HHIPL1: variants seen among roughly 807,000 people sequenced by gnomAD.
The protein encoded by HHIPL1 is HHIP like 1.
Under a neutral mutation model 61.8 loss-of-function variants are expected in HHIPL1, and 43 were observed. That is an observed-to-expected ratio of 0.70 (90% CI 0.55 to 0.90). The LOEUF is 0.90. HHIPL1 is among the 40% of genes least tolerant of loss of function. HHIPL1 has a pLI of 0.00. For missense variants in HHIPL1, 1,056 were observed against 1,157.7 expected (o/e 0.91, Z 1.28); for synonymous variants, 482 against 515.8 (o/e 0.93, Z 0.89).
In HHIPL1 at chr14:99,675,333, G is replaced by A. The variant is rs764680934; in HGVS notation, c.2056G>A (p.Gly686Arg). ...GCCCGCGGGCCTGAGCTCTGGCAGC[G>A]GGCGCGTGGAGGTGTTCGTGGGCGG... is the stretch of plus-strand genomic sequence containing the variant. ...VRPAGLSSGS[G>R]RVEVFVGGRW... Residue 686 changes from glycine to arginine, a missense_variant, in exon 9 of 9, where the codon GGG (glycine) becomes AGG (arginine). Physicochemically the swap from Gly to Arg is moderately radical, Grantham distance 125. Transcript: ENST00000330710. The surrounding 1 kb of genome is among the most constrained non-coding windows in gnomAD (Gnocchi z 5.4). 2.1e-6 allele frequency: 3 copies of A among 1,425,534 alleles called. No individual in the cohort carries two copies. Among genetic ancestry groups the A allele is most frequent in the South Asian group, 1.5e-5 (1 of 68,186 alleles). The allele number at this position is 1,425,534 out of a possible 1,614,324, so 88.3% of individuals were successfully genotyped here.
chr14:99,645,217 G>GCCAGGGC lies in HHIPL1; in HGVS notation c.12_18dup (p.Gly7GlnfsTer46). ...CCCGCGGGGCGTAGCGATGGCCCGG[G>GCCAGGGC]CCAGGGCCGGGGCGCTGCTGGCGCT... On this transcript the variant is annotated frameshift_variant, in exon 1 of 9. Transcript: ENST00000330710. LOFTEE classifies it high-confidence loss of function. 7.6e-7 allele frequency: 1 copy of GCCAGGGC among 1,307,272 alleles called. No homozygotes were observed. The highest frequency in any genetic ancestry group is 2.2e-5 in the South Asian group (1 of 46,492). 81.0% of individuals were successfully genotyped at this position (1,307,272 alleles called of 1,614,324 possible). A position where few individuals can be genotyped will look rare whatever the true frequency, so the allele number is the denominator to read the frequency against.
In HHIPL1 at chr14:99,649,552, G is replaced by A. The variant is rs1021725363; in HGVS notation, c.256-2672G>A. Among the ~76,000 whole-genome samples, 11 of 152,224 alleles carry A rather than the reference G, an allele frequency of 7.2e-5. No individual in the cohort carries two copies. In the South Asian group the frequency reaches 1.7e-3, roughly 23 times the overall value. On this transcript the variant is annotated intron_variant, in intron 1 of 8. Coordinates refer to ENST00000330710, the MANE Select transcript of HHIPL1 (RefSeq NM_001127258.3). ...ATGCCTATAATCCCAGAACTTTGGC[G>A]GGCCAAGGCGGGAGGATTGCTTGAG... is the stretch of plus-strand genomic sequence containing the variant.
At chr14:99,654,081 C>T (rs530402676) in intron 2 of HHIPL1, among the ~76,000 whole-genome samples, 11 of 147,164 alleles carry the variant, frequency 7.5e-5, no homozygotes, top group East Asian at 4.1e-4. Flanking sequence ...CCCAGCTACC[C>T]GGGAGGCTGA....
intron 1 of HHIPL1, among the ~76,000 whole-genome samples, chr14:99,651,615 G>T (rs962953941): frequency 6.6e-6 from 1 of 152,098 alleles, no homozygotes; most frequent in Non-Finnish European, 1.5e-5. Context: ...AACACTGGGG[G>T]TTACAATTCT....
chr14:99,622,889 G>A, the HHIPL1 span, among the ~76,000 whole-genome samples: 9 of 152,356 alleles, frequency 5.9e-5, no homozygotes, highest in African/African-American at 1.7e-4. Context: ...AAAGCACTCA[G>A]CATGCTGTGG....
At position 99,668,106 on chromosome 14, in the gene HHIPL1, G is replaced by A. The variant is rs1466422277; in HGVS notation, c.1649-116G>A. 1 of 733,796 alleles carries A rather than the reference G, an allele frequency of 1.4e-6. No individual in the cohort carries two copies. Among genetic ancestry groups the A allele is most frequent in the Non-Finnish European group, 2.5e-6 (1 of 392,780 alleles). The allele number at this position is 733,796 out of a possible 1,614,324, so 45.5% of individuals were successfully genotyped here. On this transcript the variant is annotated intron_variant, in intron 6 of 8. Coordinates refer to ENST00000330710, the MANE Select transcript of HHIPL1 (RefSeq NM_001127258.3). The surrounding 1 kb of genome is among the most constrained non-coding windows in gnomAD (Gnocchi z 4.7). The stretch of plus-strand genomic sequence containing the variant: ...ACTGAGCTGGGATGCCTCACGTGAT[G>A]GCTAGCTGGGGTTGGGGTCTATTTC...
At chr14:99,672,479 G>T in intron 8 of HHIPL1, 80 bp downstream of exon 8, 1 of 1,221,770 alleles carries the variant, frequency 8.2e-7, no homozygotes, top group South Asian at 1.3e-5. Context: ...AGCCAGACTC[G>T]GGTCTTACCA....
At chr14:99,644,054 T>C (rs531945330), upstream of HHIPL1, among the ~76,000 whole-genome samples, 3 of 152,330 alleles carry the variant, frequency 2.0e-5, no homozygotes, top group South Asian at 2.1e-4. Context: ...CAGAGATGTT[T>C]GGCTGTGCGG....
chr14:99,635,809 G>T, the HHIPL1 span, among the ~76,000 whole-genome samples: 1 of 152,214 alleles, frequency 6.6e-6, no homozygotes, highest in Non-Finnish European at 1.5e-5. Flanking sequence ...GGAGGCAGGG[G>T]ATTGCTGGGC....
chr14:99,623,240 G>T, the HHIPL1 span, among the ~76,000 whole-genome samples: 1 of 152,188 alleles, frequency 6.6e-6, no homozygotes, highest in Non-Finnish European at 1.5e-5. Context: ...CCTGGGAGCT[G>T]CCTTAGCAGT....
At chr14:99,633,992 G>T in the HHIPL1 span, among the ~76,000 whole-genome samples, 2 of 152,158 alleles carry the variant, frequency 1.3e-5, no homozygotes, top group African/African-American at 2.4e-5. Flanking sequence ...AGGGACACGT[G>T]GAAGCCTGGC....
the HHIPL1 span, among the ~76,000 whole-genome samples, chr14:99,614,548 C>A: frequency 3.3e-5 from 5 of 152,174 alleles, no homozygotes; most frequent in African/African-American, 1.2e-4. Context: ...TCAGGTCCCA[C>A]CCCAGACCAA....
At position 99,669,055 on chromosome 14, in the gene HHIPL1, C is replaced by G; in HGVS notation, c.1730+752C>G. ...CCTCACCCTCTTCAAGCACCTTCCC[C>G]AACCCACGTTGCCCTCCAGGCCTCT... On this transcript the variant is annotated intron_variant, in intron 7 of 8. Transcript: ENST00000330710. 4 of 1,458,490 alleles carry G rather than the reference C, an allele frequency of 2.7e-6. No individual in the cohort carries two copies. The South Asian group carries it at 4.2e-5, about 15-fold the overall frequency. The allele number at this position is 1,458,490 out of a possible 1,614,324, so 90.3% of individuals were successfully genotyped here.
At chr14:99,654,188 C>CAAA (rs754501639) in intron 2 of HHIPL1, among the ~76,000 whole-genome samples, 54 of 89,794 alleles carry the variant, frequency 6.0e-4, no homozygotes, top group African/African-American at 1.4e-3. Flanking sequence ...GACTCTGTCT[C>CAAA]AAAAAAAAAA....
the HHIPL1 span, among the ~76,000 whole-genome samples, chr14:99,608,148 A>C: frequency 3.3e-5 from 5 of 151,994 alleles, no homozygotes; most frequent in Admixed American, 2.6e-4. Context: ...ACACTATTAC[A>C]CCTTGCAGCT....
chr14:99,643,324 G>A (rs1289161994), upstream of HHIPL1, among the ~76,000 whole-genome samples: 2 of 152,266 alleles, frequency 1.3e-5, no homozygotes, highest in Non-Finnish European at 2.9e-5. Flanking sequence ...ACAGGCGTGA[G>A]CCACTGTGCC....
rs779113860 is a variant in HHIPL1 at position 99,660,424 on chromosome 14, C to T, written c.1502+18C>T. ...ATGAGCGGGTAAGTGACCTAGTGCC[C>T]TCGCGCCCCTGGCTGCTGCCACTGG... is the stretch of plus-strand genomic sequence containing the variant. On this transcript the variant is annotated intron_variant, in intron 5 of 8. Coordinates refer to ENST00000330710, the MANE Select transcript of HHIPL1 (RefSeq NM_001127258.3). This position sits in a 1 kb window ranked among gnomAD's most constrained non-coding sequence, Gnocchi z 4.9. The T allele has an allele frequency of 1.7e-5, 28 of 1,603,788 alleles. No homozygotes were observed. The highest frequency in any genetic ancestry group is 2.3e-5 in the Non-Finnish European group (27 of 1,173,068).
chr14:99,607,019 G>GC, the HHIPL1 span, among the ~76,000 whole-genome samples: 3 of 95,826 alleles, frequency 3.1e-5, no homozygotes, highest in African/African-American at 1.2e-4. Context: ...ACGTGACTTT[G>GC]CCTTTTTTTT....
In HHIPL1 at chr14:99,679,733, T is replaced by A. The variant is rs931502397; in HGVS notation, c.*4107T>A. On this transcript the variant is annotated 3_prime_UTR_variant, in exon 9 of 9. Transcript: ENST00000330710. Reference sequence around the variant, plus strand: ...CGTGCATGGCACGTACACTCTAGGTTGCTTCCTAGACAGAAAGCTCAGTTC... The same window carrying A: ...CGTGCATGGCACGTACACTCTAGGTAGCTTCCTAGACAGAAAGCTCAGTTC... 2 of 152,250 alleles carry A rather than the reference T, an allele frequency of 1.3e-5. No individual in the cohort carries two copies. Among genetic ancestry groups the A allele is most frequent in the African/African-American group, 4.8e-5 (2 of 41,464 alleles). The allele number at this position is 152,250 out of a possible 1,614,324, so 9.4% of individuals were successfully genotyped here. A position where few individuals can be genotyped will look rare whatever the true frequency, so the allele number is the denominator to read the frequency against.
Sources: gnomAD v4.1 joint callset for allele counts (sites outside exome capture counted in the v4.1 genomes callset) on GRCh38, gnomAD v4.1.1 for gene constraint, Gnocchi (gnomAD v3.1) non-coding constraint, MANE v1.5 for transcripts, NCBI Gene and HGNC (gene_info 2026-07-23, HGNC 2026-07-21) for gene names.